MAGI2: variants seen among roughly 807,000 people sequenced by gnomAD.
MAGI2 encodes membrane associated guanylate kinase, WW and PDZ domain containing 2.
MAGI2 carries 35 observed loss-of-function variants against 133.3 expected under a neutral mutation model. The ratio of observed to expected loss-of-function variants is 0.26; its 90% CI spans 0.20 to 0.35. The LOEUF (loss-of-function observed/expected upper bound fraction) is 0.35. MAGI2 is among the 10% of genes least tolerant of loss of function. The pLI is 1.00. For synonymous variants in MAGI2, 729 were observed against 710.6 expected, an observed-to-expected ratio of 1.03 and a Z score of -0.41; for missense variants, 1,636 against 1,863.4, an observed-to-expected ratio of 0.88 and a Z score of 2.25.
chr7:78,609,381 G>A (rs1806189833), intron 3 of MAGI2, among the ~76,000 whole-genome samples: 1 of 151,876 alleles, frequency 6.6e-6, no homozygotes, highest in South Asian at 2.1e-4. Flanking sequence ...TCATACAACA[G>A]GAAACACACC....
At chr7:78,073,550 A>T (rs1315292395) in intron 21 of MAGI2, among the ~76,000 whole-genome samples, 1 of 152,214 alleles carries the variant, frequency 6.6e-6, no homozygotes, top group Non-Finnish European at 1.5e-5. Flanking sequence ...ATTTTGCTTT[A>T]TTCTGATTAA....
chr7:78,576,811 T>A (rs1420438279), intron 3 of MAGI2, among the ~76,000 whole-genome samples: 1 of 152,168 alleles, frequency 6.6e-6, no homozygotes, highest in Non-Finnish European at 1.5e-5. Flanking sequence ...AAAACTTTTT[T>A]AAATAGGCTG....
At chr7:78,701,863 C>T (rs752992485) in intron 2 of MAGI2, among the ~76,000 whole-genome samples, 1 of 151,970 alleles carries the variant, frequency 6.6e-6, no homozygotes, top group Non-Finnish European at 1.5e-5. Flanking sequence ...CAATCCCCTG[C>T]AACCTTTGAG....
At chr7:79,028,732 G>A (rs1810273448) in intron 1 of MAGI2, among the ~76,000 whole-genome samples, 1 of 152,046 alleles carries the variant, frequency 6.6e-6, no homozygotes, top group Non-Finnish European at 1.5e-5. Context: ...ATACATGAGT[G>A]CAACAATATT....
At chr7:79,138,886 G>C (rs2129546013) in intron 1 of MAGI2, among the ~76,000 whole-genome samples, 1 of 147,540 alleles carries the variant, frequency 6.8e-6, no homozygotes, top group East Asian at 2.0e-4. Flanking sequence ...GGCCCCTGTA[G>C]AATGGCGTGA....
intron 1 of MAGI2, among the ~76,000 whole-genome samples, chr7:79,126,625 C>A (rs577650820): frequency 5.3e-5 from 8 of 151,964 alleles, no homozygotes; most frequent in African/African-American, 7.2e-5. Context: ...TTTTAATAGT[C>A]TACTTTGAGT....
intron 9 of MAGI2, among the ~76,000 whole-genome samples, chr7:78,329,581 A>G (rs541880320): frequency 4.6e-5 from 7 of 152,176 alleles, no homozygotes; most frequent in Non-Finnish European, 7.4e-5. Flanking sequence ...AAGGAGTGTT[A>G]TTTCTCTTAG....
At chr7:78,990,455 G>A (rs1188148767) in intron 2 of MAGI2, among the ~76,000 whole-genome samples, 1 of 151,806 alleles carries the variant, frequency 6.6e-6, no homozygotes, top group Non-Finnish European at 1.5e-5. Context: ...TTCCTCTTAC[G>A]CTCATTACAA....
At chr7:78,904,350 G>T (rs1797839961) in intron 2 of MAGI2, among the ~76,000 whole-genome samples, 2 of 152,178 alleles carry the variant, frequency 1.3e-5, no homozygotes, top group Admixed American at 6.5e-5. Context: ...AATAATACTA[G>T]TGGTCCTGAA....
chr7:78,408,954 C>T (rs1266797914), intron 6 of MAGI2, among the ~76,000 whole-genome samples: 1 of 151,966 alleles, frequency 6.6e-6, no homozygotes, highest in Admixed American at 6.6e-5. Context: ...ATTTAACTTA[C>T]AGTTAGAAGG....
At chr7:78,812,708 T>C (rs1563535203) in intron 2 of MAGI2, among the ~76,000 whole-genome samples, 1 of 152,164 alleles carries the variant, frequency 6.6e-6, no homozygotes, top group Non-Finnish European at 1.5e-5. Flanking sequence ...TCTAGCTCTA[T>C]TCTACTAGGC....
chr7:78,756,452 T>C (rs576331709), intron 2 of MAGI2, among the ~76,000 whole-genome samples: 1 of 152,252 alleles, frequency 6.6e-6, no homozygotes, highest in Admixed American at 6.5e-5. Context: ...CTGGAGGCAA[T>C]TGGGACTATA....
At chr7:79,437,416 G>A (rs1848222237) in intron 1 of MAGI2, among the ~76,000 whole-genome samples, 1 of 151,862 alleles carries the variant, frequency 6.6e-6, no homozygotes, top group Non-Finnish European at 1.5e-5. Flanking sequence ...GTACAGGATG[G>A]TTTTTGATAC....
chr7:79,330,966 T>C (rs1193479003), intron 1 of MAGI2, among the ~76,000 whole-genome samples: 1 of 152,188 alleles, frequency 6.6e-6, no homozygotes, highest in African/African-American at 2.4e-5. Flanking sequence ...TACTCTGGGG[T>C]GAATACAACT....
chr7:78,605,387 G>A lies in MAGI2; in HGVS notation c.538+21733C>T, dbSNP rs910561992. 2.0e-4 allele frequency among the ~76,000 whole-genome samples: 31 copies of A among 152,264 alleles called. 1 individual carries two copies. The highest frequency in any genetic ancestry group is 5.3e-4 in the African/African-American group (22 of 41,542). ...TTTTTGCACTAAGGTGGTGAACATC[G>A]GAAAATGACCTCTTAAAGAGAAATA... On this transcript the variant is annotated intron_variant, in intron 3 of 21. Transcript: ENST00000354212.
At chr7:79,137,500 T>C (rs566936207) in intron 1 of MAGI2, among the ~76,000 whole-genome samples, 198 of 151,200 alleles carry the variant, frequency 1.3e-3, no homozygotes, top group Non-Finnish European at 1.4e-3. Flanking sequence ...TAGTTTGTAG[T>C]GTAGTGTAGT....
chr7:78,143,861 A>G (rs1469394753), intron 16 of MAGI2, among the ~76,000 whole-genome samples: 1 of 151,402 alleles, frequency 6.6e-6, no homozygotes, highest in African/African-American at 2.4e-5. Flanking sequence ...CAAAACTGCT[A>G]TATGATCTTA....
chr7:78,108,564 A>G (rs1429953940), intron 20 of MAGI2, among the ~76,000 whole-genome samples: 1 of 152,182 alleles, frequency 6.6e-6, no homozygotes, highest in Admixed American at 6.5e-5. Flanking sequence ...CATTGCTGAA[A>G]GCAGGGTGTT....
rs1176426138 is a variant in MAGI2 at position 79,416,725 on chromosome 7, C to CTTTTT, written c.301+36290_301+36294dup. Among the ~76,000 whole-genome samples, 60 of 102,446 alleles carry CTTTTT rather than the reference C, an allele frequency of 5.9e-4. 9 individuals are homozygous for CTTTTT. Among genetic ancestry groups the CTTTTT allele is most frequent in the East Asian group, 9.6e-4 (3 of 3,134 alleles). The allele number at this position is 102,446 out of a possible 152,430, so 67.2% of individuals were successfully genotyped here. ...TTCTTTTTTCTTTTCTTTTCTTTTT[C>CTTTTT]TTTTTCTTTTTTTTTTTTTGAGGTG... On this transcript the variant is annotated intron_variant, in intron 1 of 21. Transcript: ENST00000354212.
Sources: allele counts gnomAD v4.1 joint callset (sites outside exome capture counted in the v4.1 genomes callset), GRCh38; gene constraint gnomAD v4.1.1; transcripts MANE v1.5; gene names NCBI Gene and HGNC (gene_info 2026-07-23, HGNC 2026-07-21).